The following USP4 variants were observed in gnomAD, a reference collection of about 807,000 sequenced individuals.
USP4 encodes ubiquitin specific peptidase 4, also known as ubiquitin carboxyl-terminal hydrolase 4.
A neutral mutation model predicts 118.2 loss-of-function variants in USP4; 72 were observed. That is an observed-to-expected ratio of 0.61 (90% confidence interval 0.50 to 0.74). The LOEUF is 0.74. USP4 is among the 30% of genes least tolerant of loss of function. USP4 has a pLI of 0.00. For missense variants in USP4, 1,037 were observed against 1,185.7 expected (o/e 0.87, Z 1.84); for synonymous variants, 415 against 440.4 (o/e 0.94, Z 0.72).
At chr3:49,312,474 CA>C (rs762051436) in intron 6 of USP4, 43,023 of 323,720 alleles carry the variant, frequency 0.13, no homozygotes, top group South Asian at 0.2. Flanking sequence ...GACTCCATCT[CA>C]AAAAAAAAAA....
chr3:49,295,450 C>T (rs904986221), intron 13 of USP4, among the ~76,000 whole-genome samples: 7 of 151,884 alleles, frequency 4.6e-5, no homozygotes, highest in Non-Finnish European at 1.0e-4. Flanking sequence ...TTCAAAAACA[C>T]TGAAGTGAAA....
At chr3:49,332,127 A>T (rs2047624049) in intron 2 of USP4, among the ~76,000 whole-genome samples, 1 of 151,982 alleles carries the variant, frequency 6.6e-6, no homozygotes, top group South Asian at 2.1e-4. Context: ...ACAAAAAAAA[A>T]TTAGCTGGGT....
chr3:49,290,723 CAGGCT>C (rs1250649367), intron 15 of USP4, among the ~76,000 whole-genome samples: 6 of 152,204 alleles, frequency 3.9e-5, no homozygotes, highest in African/African-American at 1.4e-4. Flanking sequence ...CCGTGTTGGC[CAGGCT>C]AGTCTCGAAC....
intron 15 of USP4, among the ~76,000 whole-genome samples, chr3:49,290,391 C>G (rs751939165): frequency 2.8e-4 from 43 of 152,016 alleles, no homozygotes; most frequent in Non-Finnish European, 4.9e-4. Context: ...TCCAGCCTGG[C>G]CAACAAAGTG....
At chr3:49,282,145 T>C (rs2047037721) in intron 19 of USP4, among the ~76,000 whole-genome samples, 1 of 152,198 alleles carries the variant, frequency 6.6e-6, no homozygotes, top group Non-Finnish European at 1.5e-5. Context: ...TCAGCAAGTA[T>C]GCAGAAATGG....
chr3:49,335,709 T>C lies in USP4; in HGVS notation c.102-113A>G. ...CACTTGGGGCATATGCAATACCCAC[T>C]AAAAAACACTGTCACAAGAGCAAGA... is the stretch of plus-strand genomic sequence containing the variant. On this transcript the variant is annotated intron_variant, in intron 1 of 21. Coordinates refer to ENST00000265560, the MANE Select transcript of USP4 (RefSeq NM_003363.4). The C allele has an allele frequency of 2.5e-6, 3 of 1,219,744 alleles. No individual in the cohort carries two copies. In the South Asian group the frequency reaches 4.1e-5, roughly 17 times the overall value. The allele number at this position is 1,219,744 out of a possible 1,614,324, so 75.6% of individuals were successfully genotyped here.
intron 1 of USP4, among the ~76,000 whole-genome samples, chr3:49,336,896 T>G (rs1005956665): frequency 1.2e-4 from 19 of 152,134 alleles, no homozygotes; most frequent in African/African-American, 4.6e-4. Flanking sequence ...CTGTTTTGCT[T>G]GACATGAACA....
chr3:49,318,488 G>A (rs2047465011), intron 6 of USP4: 2 of 985,280 alleles, frequency 2.0e-6, no homozygotes, highest in African/African-American at 1.7e-5. Flanking sequence ...AAGAGACAAA[G>A]CCAGGTCTAC....
intron 13 of USP4, among the ~76,000 whole-genome samples, chr3:49,296,542 G>A (rs966589771): frequency 4.7e-5 from 7 of 148,652 alleles, no homozygotes; most frequent in Admixed American, 6.7e-5. Flanking sequence ...CCAGCTACTC[G>A]GGAGGCTGAG....
chr3:49,312,620 CA>C (rs201910634), intron 6 of USP4: 244 of 343,862 alleles, frequency 7.1e-4, no homozygotes, highest in Middle Eastern at 1.0e-3. Context: ...AACTCTGTCT[CA>C]AAAAAAAAGA....
intron 2 of USP4, among the ~76,000 whole-genome samples, chr3:49,332,614 C>T (rs1559481818): frequency 1.3e-5 from 2 of 151,822 alleles, no homozygotes; most frequent in African/African-American, 2.4e-5. Context: ...TTTGAGAGGC[C>T]GAGGCAGGCG....
At chr3:49,309,665 T>C (rs2047360981) in intron 8 of USP4, among the ~76,000 whole-genome samples, 1 of 149,042 alleles carries the variant, frequency 6.7e-6, no homozygotes, top group Admixed American at 6.8e-5. Flanking sequence ...TCACTCTTGT[T>C]GCCCAGGCTG....
rs1187150330 is a variant in USP4, at chr3:49,277,193, G to A, written c.*1100C>T. 4.0e-5 allele frequency: 55 copies of A among 1,359,048 alleles called. No homozygotes were observed. The highest frequency in any genetic ancestry group is 5.2e-5 in the Non-Finnish European group (54 of 1,034,050). The allele number at this position is 1,359,048 out of a possible 1,614,324, so 84.2% of individuals were successfully genotyped here. On this transcript the variant is annotated 3_prime_UTR_variant, in exon 22 of 22. Transcript: ENST00000265560. ...CCACGTCCTTGTCCTCACCCGCAGC[G>A]CAGTGACGCCGACCCATCCAACGGT...
In USP4 at chr3:49,284,588, T is replaced by C. The variant is rs775180285; in HGVS notation, c.2272-4A>G. The C allele has an allele frequency of 1.6e-5, 26 of 1,612,964 alleles. No individual in the cohort carries two copies. In the South Asian group the frequency reaches 2.1e-4, roughly 13 times the overall value. ...TGCTCACATGCTTCTCGTAGGCCTA[T>C]GGGAATCAAAGCACTCAGTTCTGCT... On this transcript the variant is annotated splice_region_variant and splice_polypyrimidine_tract_variant and intron_variant, in intron 17 of 21. Transcript: ENST00000265560.
chr3:49,298,420 GAC>G (rs1193947773), intron 12 of USP4, 130 bp downstream of exon 12: 1 of 814,080 alleles, frequency 1.2e-6, no homozygotes, highest in Non-Finnish European at 2.1e-6. Flanking sequence ...GAGGCATCCA[GAC>G]ACACACAAAT....
chr3:49,311,315 C>G (rs2047380337), intron 7 of USP4, among the ~76,000 whole-genome samples, 199 bp downstream of exon 7: 1 of 152,174 alleles, frequency 6.6e-6, no homozygotes. Context: ...CACCAGCTCA[C>G]AGGAGGACAA....
At chr3:49,308,391 C>T (rs1337541774) in intron 8 of USP4, among the ~76,000 whole-genome samples, 1 of 152,080 alleles carries the variant, frequency 6.6e-6, no homozygotes, top group Admixed American at 6.6e-5. Context: ...ATGATCTTGG[C>T]TCATTGCAAC....
chr3:49,305,197 C>T lies in USP4; in HGVS notation c.1128+518G>A, dbSNP rs751117930. On this transcript the variant is annotated intron_variant, in intron 9 of 21. Transcript: ENST00000265560. Reference sequence around the variant, plus strand: ...ACGCCATTCTCCTTCCCCAGCCTCCCGAGTAGCTGGGACTACAGGCGCCTG... The same window carrying T: ...ACGCCATTCTCCTTCCCCAGCCTCCTGAGTAGCTGGGACTACAGGCGCCTG... Among the ~76,000 whole-genome samples, 4 of 149,298 alleles carry T rather than the reference C, an allele frequency of 2.7e-5. No homozygotes were observed. In the South Asian group the frequency reaches 6.5e-4, roughly 24 times the overall value.
rs1476104579 is a variant in USP4, at chr3:49,302,404, C to T, written c.1267G>A (p.Ala423Thr). The change falls in exon 10 of 22, where the codon GCC becomes ACC. Residue 423 changes from alanine (A) to threonine (T), a missense_variant. Transcript: ENST00000265560. ...KKKPYLELKD[A>T]NGRPDAVVAK... ...CATACCGCATCTGGCCGCCCATTGG[C>T]ATCCTTCAGCTCCAAGTAGGGCTTT... 1 of 1,613,726 alleles carries T rather than the reference C, an allele frequency of 6.2e-7. No individual in the cohort carries two copies. Among genetic ancestry groups the T allele is most frequent in the Non-Finnish European group, 8.5e-7 (1 of 1,179,928 alleles).
Sources: allele counts gnomAD v4.1 joint callset (sites outside exome capture counted in the v4.1 genomes callset), GRCh38; gene constraint gnomAD v4.1.1; transcripts MANE v1.5; gene names NCBI Gene and HGNC (gene_info 2026-07-23, HGNC 2026-07-21).